The following MEAF6 variants were observed in gnomAD, a reference collection of about 807,000 sequenced individuals.
The protein encoded by MEAF6 is chromatin modification-related protein MEAF6.
In MEAF6, 15 loss-of-function variants were observed where a neutral mutation model predicts 28.9. That is an observed-to-expected ratio of 0.52 (90% confidence interval 0.35 to 0.80). The LOEUF (loss-of-function observed/expected upper bound fraction) is 0.80, where lower values mean the gene tolerates loss of function less well. Among genes scored for constraint, MEAF6 ranks in the 30% least tolerant of loss-of-function variants. The pLI, the probability that MEAF6 is intolerant of heterozygous loss-of-function variation, is 0.01. For missense variants in MEAF6, 178 were observed against 237.5 expected, an observed-to-expected ratio of 0.75 and a Z score of 1.65; for synonymous variants, 97 against 88.7, an observed-to-expected ratio of 1.09 and a Z score of -0.53.
chr1:37,511,832 T>C (rs1010073058), intron 2 of MEAF6, among the ~76,000 whole-genome samples: 15 of 152,188 alleles, frequency 9.9e-5, no homozygotes, highest in Non-Finnish European at 1.5e-4. Context: ...TAAGACATAA[T>C]AGCCAAATGC....
At chr1:37,508,104 A>G (rs1182501618) in intron 4 of MEAF6, among the ~76,000 whole-genome samples, 2 of 152,086 alleles carry the variant, frequency 1.3e-5, no homozygotes, top group African/African-American at 4.8e-5. Context: ...GGTTACACTG[A>G]GTCTGACTCA....
rs1642383974 is a variant in MEAF6 at position 37,503,597 on chromosome 1, A to T, written c.341-1601T>A. ...CTTCAGCCCATAAGTTTGAGGCTGCAGTGAGCTATGATCTTACCACTGCAA... is the reference window on the plus strand; with the variant it reads ...CTTCAGCCCATAAGTTTGAGGCTGCTGTGAGCTATGATCTTACCACTGCAA... On this transcript the variant is annotated intron_variant, in intron 4 of 6. Transcript: ENST00000296214. Among the ~76,000 whole-genome samples, 3 of 147,300 alleles carry T rather than the reference A, an allele frequency of 2.0e-5. No individual in the cohort carries two copies. The South Asian group carries it at 6.8e-4, about 33-fold the overall frequency.
chr1:37,509,425 A>G (rs1642591864), intron 3 of MEAF6, 30 bp downstream of exon 3: 1 of 1,611,882 alleles, frequency 6.2e-7, no homozygotes, highest in Non-Finnish European at 8.5e-7. Flanking sequence ...CAACAGGCCA[A>G]AGAAAGATTC....
intron 5 of MEAF6, chr1:37,501,404 A>C (rs1642298697): frequency 6.3e-6 from 1 of 158,412 alleles, no homozygotes; most frequent in Non-Finnish European, 1.4e-5. Context: ...AGAGTAGGCA[A>C]AGATCAGAAT....
In MEAF6 at chr1:37,492,250, G is replaced by A. The variant is rs879563145; in HGVS notation, c.*1849C>T. Among the ~76,000 whole-genome samples the A allele has an allele frequency of 4.0e-5, 6 of 151,860 alleles. No individual in the cohort carries two copies. The highest frequency in any genetic ancestry group is 2.0e-4 in the Admixed American group (3 of 15,256). Reference sequence around the variant, plus strand: ...TCACTGTGTTCGCCAGGATGGTCTCGATCTCCTGACCTCGTGATCCGCCCG... The same window carrying A: ...TCACTGTGTTCGCCAGGATGGTCTCAATCTCCTGACCTCGTGATCCGCCCG... On this transcript the variant is annotated 3_prime_UTR_variant, in exon 7 of 7. Coordinates refer to ENST00000296214, the MANE Select transcript of MEAF6 (RefSeq NM_001270875.3).
In MEAF6 at chr1:37,494,123, CA is replaced by C. The variant is rs367831475; in HGVS notation, c.568-17del. 3.1e-3 allele frequency: 4,956 copies of C among 1,599,374 alleles called. 23 individuals are homozygous for C. The highest frequency in any genetic ancestry group is 0.011 in the South Asian group (992 of 90,428). ...TCTAATAGTCCTAAAGAAAGAAAAA[CA>C]AAAGTCCCAACTTACTCTCGGCAGA... On this transcript the variant is annotated splice_polypyrimidine_tract_variant and intron_variant, in intron 6 of 6. Coordinates refer to ENST00000296214, the MANE Select transcript of MEAF6 (RefSeq NM_001270875.3).
Position 37,491,949 on chromosome 1 carries a change from G to A in MEAF6, c.*2150C>T, listed in dbSNP as rs1448670121. Among the ~76,000 whole-genome samples, 2 of 137,112 alleles carry A rather than the reference G, an allele frequency of 1.5e-5. No individual in the cohort carries two copies. The highest frequency in any genetic ancestry group is 2.2e-4 in the South Asian group (1 of 4,542). 90.0% of individuals were successfully genotyped at this position (137,112 alleles called of 152,430 possible). A position where few individuals can be genotyped will look rare whatever the true frequency, so the allele number is the denominator to read the frequency against. On this transcript the variant is annotated 3_prime_UTR_variant, in exon 7 of 7. Transcript: ENST00000296214. ...TTTTTTTTTGACAGAGTCTCGCTCT[G>A]TCGCCCAGGCTGCTGGAGTGCAGTG... is the stretch of plus-strand genomic sequence containing the variant.
chr1:37,495,601 G>C (rs1427226889), intron 6 of MEAF6, among the ~76,000 whole-genome samples: 2 of 141,394 alleles, frequency 1.4e-5, no homozygotes, highest in Non-Finnish European at 3.0e-5. Flanking sequence ...GGGAGGCCAA[G>C]CACAGGAGGT....
chr1:37,504,557 G>T (rs891486684), intron 4 of MEAF6, among the ~76,000 whole-genome samples: 6 of 151,846 alleles, frequency 4.0e-5, no homozygotes, highest in African/African-American at 1.5e-4. Flanking sequence ...GATCATCTGA[G>T]GTCAGGAGTC....
Position 37,492,928 on chromosome 1 carries a change from G to A in MEAF6, c.*1171C>T, listed in dbSNP as rs1268067337. ...AGGCTGTACCCCAGTCTCTAGGGAT[G>A]GGATCCAGGCATGAGTATTTTAAAG... is the stretch of plus-strand genomic sequence containing the variant. On this transcript the variant is annotated 3_prime_UTR_variant, in exon 7 of 7. Transcript: ENST00000296214. 2 of 152,140 alleles carry A rather than the reference G, an allele frequency of 1.3e-5. No homozygotes were observed. The highest frequency in any genetic ancestry group is 3.9e-4 in the East Asian group (2 of 5,194). The allele number at this position is 152,140 out of a possible 1,614,324, so 9.4% of individuals were successfully genotyped here.
At chr1:37,502,720 T>C (rs1328078063) in intron 4 of MEAF6, among the ~76,000 whole-genome samples, 3 of 151,028 alleles carry the variant, frequency 2.0e-5, no homozygotes, top group South Asian at 4.2e-4. Context: ...TGGGCTCAGA[T>C]GATCCTTACA....
chr1:37,498,483 TG>T (rs1382619774), intron 5 of MEAF6, among the ~76,000 whole-genome samples: 1 of 151,604 alleles, frequency 6.6e-6, no homozygotes, highest in Non-Finnish European at 1.5e-5. Context: ...TCACCCAGGA[TG>T]AAGTGCAGTA....
intron 4 of MEAF6, 145 bp downstream of exon 4, chr1:37,509,129 CCCTA>C: frequency 1.4e-6 from 1 of 721,706 alleles, no homozygotes; most frequent in South Asian, 1.8e-5. Flanking sequence ...ATTAAGGATA[CCCTA>C]AAAGTTTCAA....
chr1:37,495,581 C>T (rs1374015841), intron 6 of MEAF6, among the ~76,000 whole-genome samples: 1 of 149,868 alleles, frequency 6.7e-6, no homozygotes, highest in African/African-American at 2.4e-5. Flanking sequence ...ACCTGTATTC[C>T]CAGCTACTCG....
chr1:37,500,624 T>C (rs1043866690), intron 5 of MEAF6, among the ~76,000 whole-genome samples: 15 of 152,156 alleles, frequency 9.9e-5, no homozygotes, highest in Non-Finnish European at 2.1e-4. Context: ...AAAACACCAT[T>C]ACCATCAACA....
In MEAF6 at chr1:37,493,312, T is replaced by G. The variant is rs751096188; in HGVS notation, c.*787A>C. The G allele has an allele frequency of 7.2e-4, 113 of 156,028 alleles. No homozygotes were observed. The highest frequency in any genetic ancestry group is 2.7e-3 in the Admixed American group (41 of 15,394). The allele number at this position is 156,028 out of a possible 1,614,324, so 9.7% of individuals were successfully genotyped here. A position where few individuals can be genotyped will look rare whatever the true frequency, so the allele number is the denominator to read the frequency against. Reference sequence around the variant, plus strand: ...GGGTTTAAAAGTAAAGCATGAGAATTTGAAGCCTGTGAAATTTTATTTATA... The same window carrying G: ...GGGTTTAAAAGTAAAGCATGAGAATGTGAAGCCTGTGAAATTTTATTTATA... On this transcript the variant is annotated 3_prime_UTR_variant, in exon 7 of 7. Coordinates refer to ENST00000296214, the MANE Select transcript of MEAF6 (RefSeq NM_001270875.3).
rs1274786604 is a variant in MEAF6 at position 37,502,858 on chromosome 1, G to C, written c.341-862C>G. Among the ~76,000 whole-genome samples the C allele has an allele frequency of 2.6e-5, 4 of 151,362 alleles. No individual in the cohort carries two copies. The South Asian group carries it at 8.4e-4, about 32-fold the overall frequency. On this transcript the variant is annotated intron_variant, in intron 4 of 6. Coordinates refer to ENST00000296214, the MANE Select transcript of MEAF6 (RefSeq NM_001270875.3). ...TGGTCTTGAACTCCTAGGCTCAAGA[G>C]ATCCACCTGCCTCAGCCTTCCAAAG...
intron 4 of MEAF6, among the ~76,000 whole-genome samples, chr1:37,502,609 G>GT (rs1642351369): frequency 7.0e-6 from 1 of 142,398 alleles, no homozygotes; most frequent in Non-Finnish European, 1.5e-5. Flanking sequence ...CTTGAACCTC[G>GT]TAAGTCTTTT....
chr1:37,504,058 G>T (rs144986907), intron 4 of MEAF6, among the ~76,000 whole-genome samples: 12 of 152,180 alleles, frequency 7.9e-5, no homozygotes, highest in Non-Finnish European at 1.3e-4. Context: ...AGAGCTGGTG[G>T]GAGGTGACTG....
Sources: allele counts gnomAD v4.1 joint callset (sites outside exome capture counted in the v4.1 genomes callset), GRCh38; gene constraint gnomAD v4.1.1; transcripts MANE v1.5; gene names NCBI Gene and HGNC (gene_info 2026-07-23, HGNC 2026-07-21).